AMZ1: variants seen among roughly 807,000 people sequenced by gnomAD.
AMZ1 encodes archaemetzincin-1.
Under a neutral mutation model 29.9 loss-of-function variants are expected in AMZ1, and 39 were observed. The observed-to-expected ratio is 1.30, with a 90% CI of 1.01 to 1.70. The LOEUF (loss-of-function observed/expected upper bound fraction) is 1.70. AMZ1 is among the 40% of genes most tolerant of loss of function. The pLI, the probability that AMZ1 is intolerant of heterozygous loss-of-function variation, is 0.00. For missense variants in AMZ1, 1,041 were observed against 680.6 expected, an observed-to-expected ratio of 1.53 and a Z score of -5.89; for synonymous variants, 458 against 304.0, an observed-to-expected ratio of 1.51 and a Z score of -5.27.
At chr7:2,763,559 T>C (rs1380824297), upstream of AMZ1, among the ~76,000 whole-genome samples, 1 of 152,238 alleles carries the variant, frequency 6.6e-6, no homozygotes, top group Non-Finnish European at 1.5e-5. Flanking sequence ...TCAATGGTCC[T>C]GTAATCTAAG....
intron 1 of AMZ1, among the ~76,000 whole-genome samples, chr7:2,682,616 C>T (rs1168307918): frequency 6.6e-6 from 1 of 152,166 alleles, no homozygotes; most frequent in Admixed American, 6.5e-5. Context: ...ACCCCTTTGC[C>T]TCCTTCCTGG....
chr7:2,716,481 C>T lies in AMZ1; in HGVS notation c.*3603C>T, dbSNP rs1008609152. 2 of 148,176 alleles carry T rather than the reference C, an allele frequency of 1.3e-5. No homozygotes were observed. Among genetic ancestry groups the T allele is most frequent in the Non-Finnish European group, 3.0e-5 (2 of 67,310 alleles). 9.2% of individuals were successfully genotyped at this position (148,176 alleles called of 1,614,324 possible). On this transcript the variant is annotated 3_prime_UTR_variant, in exon 7 of 7. Transcript: ENST00000683327. ...GTTAATATTTGCTTCAGACCTTTCC[C>T]CGATGAACGAAATCTCCAAAAGCCT...
At chr7:2,755,519 T>C (rs1206856397) in intron 4 of AMZ1, among the ~76,000 whole-genome samples, 2 of 152,254 alleles carry the variant, frequency 1.3e-5, no homozygotes, top group Non-Finnish European at 2.9e-5. Flanking sequence ...TGGTGTTGCA[T>C]CTTAAATTTG....
At chr7:2,730,204 AAGAGG>A (rs1221399689) in intron 4 of AMZ1, 1 of 152,398 alleles carries the variant, frequency 6.6e-6, no homozygotes, top group African/African-American at 2.4e-5. Flanking sequence ...GAAGCCCCAG[AAGAGG>A]AATGTTTCTG....
At chr7:2,741,626 G>A (rs1163654981) in intron 4 of AMZ1, among the ~76,000 whole-genome samples, 2 of 152,042 alleles carry the variant, frequency 1.3e-5, no homozygotes, top group East Asian at 3.9e-4. Flanking sequence ...AGCTCATACA[G>A]TCTTTCTCTA....
chr7:2,731,328 C>A lies in AMZ1; in HGVS notation n.550+21512C>A. 1 of 1,614,062 alleles carries A rather than the reference C, an allele frequency of 6.2e-7. No homozygotes were observed. The highest frequency in any genetic ancestry group is 1.7e-4 in the Middle Eastern group (1 of 6,060). ...GGTTCCGTCTCTTCCTGTCGAAGCACTGGACCAGGTAGCGCTGGACGTCCT... is the reference window on the plus strand; with the variant it reads ...GGTTCCGTCTCTTCCTGTCGAAGCAATGGACCAGGTAGCGCTGGACGTCCT... On this transcript the variant is annotated intron_variant and non_coding_transcript_variant, in intron 4 of 4. Transcript: ENST00000489665. The surrounding 1 kb of genome is among the most constrained non-coding windows in gnomAD (Gnocchi z 6.0).
intron 1 of AMZ1, among the ~76,000 whole-genome samples, chr7:2,691,177 C>G (rs1321907244): frequency 6.9e-6 from 1 of 144,138 alleles, no homozygotes; most frequent in Non-Finnish European, 1.5e-5. Context: ...GATGCTTTGC[C>G]TGGAGTAGGA....
rs191627173 is a variant in AMZ1 at position 2,754,378 on chromosome 7, A to G, written n.551-10334A>G. On this transcript the variant is annotated intron_variant and non_coding_transcript_variant, in intron 4 of 4. Coordinates refer to the AMZ1 transcript ENST00000489665. Reference sequence around the variant, plus strand: ...TGAGAGTTCTGTTTTCTAGATAATGAGTCCTTTGTCGGATATGTAGTCAGC... The same window carrying G: ...TGAGAGTTCTGTTTTCTAGATAATGGGTCCTTTGTCGGATATGTAGTCAGC... Among the ~76,000 whole-genome samples the G allele has an allele frequency of 1.4e-3, 208 of 152,198 alleles. 2 individuals are homozygous for G. Among genetic ancestry groups the G allele is most frequent in the African/African-American group, 4.6e-3 (190 of 41,512 alleles).
chr7:2,740,974 G>A (rs968093941), intron 4 of AMZ1, among the ~76,000 whole-genome samples: 5 of 152,226 alleles, frequency 3.3e-5, no homozygotes, highest in Admixed American at 6.5e-5. Flanking sequence ...GAACCCGGGA[G>A]GCAGAGCTTG....
chr7:2,685,019 G>T (rs192238646), upstream of AMZ1, among the ~76,000 whole-genome samples: 330 of 151,786 alleles, frequency 2.2e-3, 4 homozygotes, highest in African/African-American at 6.9e-3. Context: ...ACAGGCGCCC[G>T]CCACCACGCC....
In AMZ1 at chr7:2,700,444, C is replaced by T. The variant is rs747279112; in HGVS notation, c.-8C>T. 1.2e-5 allele frequency: 19 copies of T among 1,594,084 alleles called. No homozygotes were observed. Among genetic ancestry groups the T allele is most frequent in the South Asian group, 2.2e-5 (2 of 90,810 alleles). On this transcript the variant is annotated 5_prime_UTR_variant, in exon 2 of 7. Coordinates refer to ENST00000683327, the MANE Select transcript of AMZ1 (RefSeq NM_001384743.1). ...CTCCCAGGAGTGGCCAGGCCCTGCC[C>T]GCCCACCATGCTGCAGTGTAGACCC...
At chr7:2,698,949 A>C (rs1400208656) in intron 1 of AMZ1, among the ~76,000 whole-genome samples, 1 of 152,160 alleles carries the variant, frequency 6.6e-6, no homozygotes, top group African/African-American at 2.4e-5. Flanking sequence ...TGACGGTCGC[A>C]GACAAGTGGG....
intron 4 of AMZ1, among the ~76,000 whole-genome samples, chr7:2,736,252 C>T (rs1790168827): frequency 6.6e-6 from 1 of 152,314 alleles, no homozygotes; most frequent in East Asian, 1.9e-4. Context: ...GCCCAGAGTC[C>T]TCTCAACGGC....
chr7:2,692,273 G>A (rs867781445), intron 1 of AMZ1, among the ~76,000 whole-genome samples: 8 of 152,174 alleles, frequency 5.3e-5, no homozygotes, highest in Non-Finnish European at 7.3e-5. Context: ...GGGCGTGGTG[G>A]CTCACGCCTG....
Position 2,731,080 on chromosome 7 carries a change from C to T in AMZ1, n.550+21264C>T, listed in dbSNP as rs187251454. The T allele has an allele frequency of 4.9e-3, 3,797 of 779,796 alleles. 12 individuals are homozygous for T. Among genetic ancestry groups the T allele is most frequent in the Non-Finnish European group, 6.4e-3 (3,111 of 482,474 alleles). The allele number at this position is 779,796 out of a possible 1,614,324, so 48.3% of individuals were successfully genotyped here. A position where few individuals can be genotyped will look rare whatever the true frequency, so the allele number is the denominator to read the frequency against. ...AGCCAGGTATTCCAGGGCACGGATC[C>T]GAGAAACCCACTCAAGGACCACACA... On this transcript the variant is annotated intron_variant and non_coding_transcript_variant, in intron 4 of 4. Transcript: ENST00000489665. The surrounding 1 kb of genome is among the most constrained non-coding windows in gnomAD (Gnocchi z 6.0).
chr7:2,687,541 C>A (rs1314728381), upstream of AMZ1, among the ~76,000 whole-genome samples: 1 of 152,240 alleles, frequency 6.6e-6, no homozygotes, highest in Non-Finnish European at 1.5e-5. Context: ...AGCCGTCATG[C>A]CGGCCTTCAC....
intron 1 of AMZ1, among the ~76,000 whole-genome samples, chr7:2,694,839 A>C (rs764309785): frequency 3.6e-4 from 54 of 151,796 alleles, no homozygotes; most frequent in Admixed American, 3.4e-3. Context: ...CGCCTGGCTA[A>C]TTTTTGTACT....
At chr7:2,757,671 A>G (rs1224398699) in intron 4 of AMZ1, among the ~76,000 whole-genome samples, 1 of 152,202 alleles carries the variant, frequency 6.6e-6, no homozygotes, top group Non-Finnish European at 1.5e-5. Flanking sequence ...TAAGTTGCTA[A>G]TTGGTGGTAA....
chr7:2,711,850 C>A (rs1788800277), intron 6 of AMZ1, among the ~76,000 whole-genome samples: 2 of 152,086 alleles, frequency 1.3e-5, no homozygotes, highest in Admixed American at 6.6e-5. Flanking sequence ...TTGAGACCAG[C>A]CTGGCTAACA....
Sources: gnomAD v4.1 joint callset for allele counts (sites outside exome capture counted in the v4.1 genomes callset) on GRCh38, gnomAD v4.1.1 for gene constraint, Gnocchi (gnomAD v3.1) non-coding constraint, MANE v1.5 for transcripts, NCBI Gene and HGNC (gene_info 2026-07-23, HGNC 2026-07-21) for gene names.